DPYD: variants seen among roughly 807,000 people sequenced by gnomAD.
DPYD encodes the protein dihydropyrimidine dehydrogenase, also known as dihydropyrimidine dehydrogenase [NADP(+)].
In DPYD, 109 loss-of-function variants were observed where a neutral mutation model predicts 116.2. The ratio of observed to expected loss-of-function variants is 0.94; its 90% confidence interval spans 0.80 to 1.10. The LOEUF (loss-of-function observed/expected upper bound fraction) is 1.10. DPYD is among the 50% of genes least tolerant of loss of function. The pLI, the probability that DPYD is intolerant of heterozygous loss-of-function variation, is 0.00. For synonymous variants in DPYD, 440 were observed against 432.0 expected (o/e 1.02, Z -0.23); for missense variants, 1,302 against 1,254.5 (o/e 1.04, Z -0.57).
intron 3 of DPYD, among the ~76,000 whole-genome samples, chr1:97,765,195 C>A (rs1489043597): frequency 6.6e-6 from 1 of 152,124 alleles, no homozygotes; most frequent in Non-Finnish European, 1.5e-5. Flanking sequence ...CTTTTAGTTT[C>A]AAGCATTGTC....
intron 11 of DPYD, among the ~76,000 whole-genome samples, chr1:97,566,242 G>A (rs1006197079): frequency 6.6e-6 from 1 of 152,142 alleles, no homozygotes; most frequent in Admixed American, 6.6e-5. Flanking sequence ...ATTCTTGGAG[G>A]CAAAGTTTGC....
At chr1:97,571,156 G>A (rs1014091096) in intron 11 of DPYD, among the ~76,000 whole-genome samples, 6 of 151,876 alleles carry the variant, frequency 4.0e-5, no homozygotes, top group African/African-American at 1.4e-4. Flanking sequence ...GAGAGAAAAT[G>A]AACAAATTCT....
chr1:97,857,641 C>T (rs1670912372), intron 2 of DPYD, among the ~76,000 whole-genome samples: 2 of 152,154 alleles, frequency 1.3e-5, no homozygotes, highest in South Asian at 4.1e-4. Context: ...CGTAGCTCAC[C>T]CTATGCATCT....
At chr1:97,502,638 CT>C (rs1457878177) in intron 13 of DPYD, among the ~76,000 whole-genome samples, 2 of 151,910 alleles carry the variant, frequency 1.3e-5, no homozygotes, top group Non-Finnish European at 2.9e-5. Flanking sequence ...CAGCAAGACT[CT>C]TTTAGGAAGC....
chr1:97,653,277 T>A (rs1171359403), intron 8 of DPYD, among the ~76,000 whole-genome samples: 2 of 151,656 alleles, frequency 1.3e-5, no homozygotes, highest in African/African-American at 4.8e-5. Context: ...CCTTTCATAG[T>A]CAGAATTTCA....
intron 3 of DPYD, among the ~76,000 whole-genome samples, chr1:97,783,635 C>T (rs1666872487): frequency 6.6e-6 from 1 of 152,012 alleles, no homozygotes; most frequent in African/African-American, 2.4e-5. Context: ...AGGTGACCCA[C>T]CTGTCTTGGC....
intron 2 of DPYD, among the ~76,000 whole-genome samples, chr1:97,830,429 G>A (rs536774469): frequency 1.3e-5 from 2 of 152,180 alleles, no homozygotes; most frequent in South Asian, 4.1e-4. Flanking sequence ...ATAAGAGACA[G>A]AAGCCTGGGC....
intron 14 of DPYD, among the ~76,000 whole-genome samples, chr1:97,388,028 A>G (rs1672457113): frequency 6.6e-6 from 1 of 152,170 alleles, no homozygotes; most frequent in Admixed American, 6.5e-5. Context: ...AAGGAGTCTG[A>G]TTATGTTGAA....
In DPYD at chr1:97,238,433, C is replaced by T. The variant is rs142123020; in HGVS notation, c.2300-3439G>A. ...TAAGAATGACTTCATCCACTAAGAA[C>T]GGTTTCTAGAAGGAAAATGAAGGTA... On this transcript the variant is annotated intron_variant, in intron 18 of 22. Coordinates refer to ENST00000370192, the MANE Select transcript of DPYD (RefSeq NM_000110.4). Among the ~76,000 whole-genome samples the T allele has an allele frequency of 1.7e-3, 253 of 152,050 alleles. 1 individual carries two copies. The highest frequency in any genetic ancestry group is 5.0e-3 in the African/African-American group (209 of 41,500).
In DPYD at chr1:97,088,485, T is replaced by C. The variant is rs138426453; in HGVS notation, c.2767-6015A>G. Among the ~76,000 whole-genome samples the C allele has an allele frequency of 1.5e-4, 23 of 152,286 alleles. No homozygotes were observed. In the East Asian group the frequency reaches 4.0e-3, roughly 27 times the overall value. On this transcript the variant is annotated intron_variant, in intron 21 of 22. Transcript: ENST00000370192. ...TGTTTTGCCTTTAGTGGAGTGGGAT[T>C]TCCATCTGAAGTTTGCAAAGGCTTT... is the stretch of plus-strand genomic sequence containing the variant.
At chr1:97,813,101 G>A (rs959349973) in intron 3 of DPYD, among the ~76,000 whole-genome samples, 1 of 152,042 alleles carries the variant, frequency 6.6e-6, no homozygotes, top group Non-Finnish European at 1.5e-5. Context: ...TGACTGGCTC[G>A]AACTGGCTAC....
At chr1:97,148,713 A>T (rs1654806493) in intron 20 of DPYD, among the ~76,000 whole-genome samples, 1 of 152,222 alleles carries the variant, frequency 6.6e-6, no homozygotes, top group Non-Finnish European at 1.5e-5. Flanking sequence ...TAATAATGTC[A>T]TCCCACATTC....
chr1:97,879,888 A>C (rs1672109512), intron 2 of DPYD, among the ~76,000 whole-genome samples: 1 of 151,822 alleles, frequency 6.6e-6, no homozygotes, highest in Non-Finnish European at 1.5e-5. Flanking sequence ...AAAGAAATAG[A>C]AAAAAGGAAG....
intron 13 of DPYD, among the ~76,000 whole-genome samples, chr1:97,505,477 T>A (rs1647258786): frequency 6.6e-6 from 1 of 151,398 alleles, no homozygotes; most frequent in Non-Finnish European, 1.5e-5. Context: ...AAATAAAAAA[T>A]TATTAAAAAA....
At chr1:97,298,295 C>G (rs1192440011) in intron 18 of DPYD, among the ~76,000 whole-genome samples, 1 of 151,968 alleles carries the variant, frequency 6.6e-6, no homozygotes, top group East Asian at 1.9e-4. Flanking sequence ...GCCCTCCAAG[C>G]CTTATGTATC....
chr1:97,724,928 A>G (rs1571253824), intron 4 of DPYD, among the ~76,000 whole-genome samples: 1 of 136,246 alleles, frequency 7.3e-6, no homozygotes, highest in South Asian at 2.6e-4. Flanking sequence ...AGAGAGAGAG[A>G]GGGAGAGAGG....
At chr1:97,497,480 A>G (rs982482763) in intron 13 of DPYD, among the ~76,000 whole-genome samples, 1 of 151,924 alleles carries the variant, frequency 6.6e-6, no homozygotes, top group Non-Finnish European at 1.5e-5. Context: ...GGAAAAAAAT[A>G]TGGAAAGTGG....
intron 4 of DPYD, among the ~76,000 whole-genome samples, chr1:97,722,745 G>A (rs1433070485): frequency 1.3e-5 from 2 of 151,416 alleles, no homozygotes; most frequent in Non-Finnish European, 3.0e-5. Flanking sequence ...AAGGAACAAT[G>A]ACATTTACTA....
At chr1:97,708,259 T>C (rs1190651412) in intron 5 of DPYD, among the ~76,000 whole-genome samples, 1 of 152,170 alleles carries the variant, frequency 6.6e-6, no homozygotes, top group African/African-American at 2.4e-5. Context: ...TCCCATGTTA[T>C]CTTCAAAGAG....
Sources: gnomAD v4.1 joint callset for allele counts (sites outside exome capture counted in the v4.1 genomes callset) on GRCh38, gnomAD v4.1.1 for gene constraint, MANE v1.5 for transcripts, NCBI Gene and HGNC (gene_info 2026-07-23, HGNC 2026-07-21) for gene names.